Variants in ADAMTSL1 observed in about 807,000 individuals in gnomAD.
ADAMTSL1 encodes ADAMTS like 1.
ADAMTSL1 carries 126 observed loss-of-function variants against 201.8 expected under a neutral mutation model. The ratio of observed to expected loss-of-function variants is 0.62; its 90% confidence interval spans 0.54 to 0.72. The LOEUF is 0.72. ADAMTSL1 is among the 30% of genes least tolerant of loss of function. ADAMTSL1 has a pLI of 0.00. For missense variants in ADAMTSL1, 2,679 were observed against 2,277.8 expected (o/e 1.18, Z -3.59); for synonymous variants, 1,121 against 903.4 (o/e 1.24, Z -4.32).
rs1822794900 is a variant in ADAMTSL1, at chr9:18,068,186, G to A, written c.88-95676G>A. Among the ~76,000 whole-genome samples the A allele has an allele frequency of 2.0e-5, 3 of 152,112 alleles. No individual in the cohort carries two copies. In the South Asian group the frequency reaches 6.2e-4, roughly 32 times the overall value. On this transcript the variant is annotated intron_variant, in intron 1 of 29. Coordinates refer to the ADAMTSL1 transcript ENST00000680146. The stretch of plus-strand genomic sequence containing the variant: ...CCCTTAGAAATGGACTGTTTATTAA[G>A]ATAGCAGCTCTTCCCATCAGTGAGA...
chr9:18,055,597 ACAAAGTCTTT>A (rs1822147135), intron 1 of ADAMTSL1, among the ~76,000 whole-genome samples: 1 of 152,226 alleles, frequency 6.6e-6, no homozygotes, highest in Non-Finnish European at 1.5e-5. Context: ...CTAAAATTCC[ACAAAGTCTTT>A]CAAAGTAACA....
intron 16 of ADAMTSL1, among the ~76,000 whole-genome samples, chr9:18,770,197 A>C: frequency 6.6e-6 from 1 of 152,218 alleles, no homozygotes; most frequent in East Asian, 1.9e-4. Context: ...CTCCAGATTT[A>C]TACTGATGGC....
intron 2 of ADAMTSL1, among the ~76,000 whole-genome samples, chr9:18,275,655 T>G (rs891064145): frequency 6.6e-6 from 1 of 152,326 alleles, no homozygotes; most frequent in East Asian, 1.9e-4. Flanking sequence ...TAGCATGTTT[T>G]TGAGGGCCAT....
chr9:18,674,749 C>T (rs1009124509), intron 9 of ADAMTSL1, among the ~76,000 whole-genome samples: 3 of 152,018 alleles, frequency 2.0e-5, no homozygotes, highest in Admixed American at 6.5e-5. Context: ...ACATGAGTTC[C>T]TTCAATACCC....
intron 2 of ADAMTSL1, chr9:18,163,992 GCTT>G (rs1245502369): frequency 2.0e-5 from 3 of 151,962 alleles, no homozygotes; most frequent in Admixed American, 6.6e-5. Flanking sequence ...GTACAGTGTC[GCTT>G]CTTCTACTTA....
chr9:18,804,713 C>T (rs954050770), intron 20 of ADAMTSL1, among the ~76,000 whole-genome samples: 1 of 152,160 alleles, frequency 6.6e-6, no homozygotes, highest in African/African-American at 2.4e-5. Flanking sequence ...TTATTTGACT[C>T]ATGAGTCTTA....
intron 2 of ADAMTSL1, among the ~76,000 whole-genome samples, chr9:18,306,224 C>G (rs1036492770): frequency 2.6e-5 from 4 of 152,134 alleles, no homozygotes; most frequent in Non-Finnish European, 4.4e-5. Context: ...GATAAATACA[C>G]GAAGATGAGG....
chr9:18,614,247 G>C (rs1055789875), intron 4 of ADAMTSL1, among the ~76,000 whole-genome samples: 4 of 152,116 alleles, frequency 2.6e-5, no homozygotes, highest in Admixed American at 1.3e-4. Flanking sequence ...AAGAGAGAAC[G>C]CCAGGTGTGG....
At chr9:18,175,010 C>A (rs1828075777) in intron 2 of ADAMTSL1, among the ~76,000 whole-genome samples, 1 of 152,102 alleles carries the variant, frequency 6.6e-6, no homozygotes, top group African/African-American at 2.4e-5. Context: ...ATAAACGTTT[C>A]TTTTGCTAAG....
chr9:18,141,135 G>A (rs374476313), intron 1 of ADAMTSL1, among the ~76,000 whole-genome samples: 4 of 152,308 alleles, frequency 2.6e-5, no homozygotes, highest in African/African-American at 7.2e-5. Context: ...GTAGTGTGAA[G>A]AGGTCAGAGC....
chr9:18,049,121 T>G (rs1263936648), intron 1 of ADAMTSL1, among the ~76,000 whole-genome samples: 4 of 152,202 alleles, frequency 2.6e-5, no homozygotes, highest in Non-Finnish European at 4.4e-5. Context: ...ACACCAGTCA[T>G]GGGTTTATGG....
chr9:18,088,187 G>A (rs1823851880), intron 1 of ADAMTSL1, among the ~76,000 whole-genome samples: 1 of 152,052 alleles, frequency 6.6e-6, no homozygotes, highest in Non-Finnish European at 1.5e-5. Flanking sequence ...GGAACAAGTG[G>A]ATATTTATAT....
Position 18,574,033 on chromosome 9 carries a change from T to G in ADAMTSL1, c.241T>G (p.Cys81Gly). 1 of 1,613,020 alleles carries G rather than the reference T, an allele frequency of 6.2e-7. No homozygotes were observed. Among genetic ancestry groups the G allele is most frequent in the Non-Finnish European group, 8.5e-7 (1 of 1,179,256 alleles). Residue 81 changes from cysteine (C) to glycine (G), a missense_variant, in exon 4 of 29, where the codon TGC becomes GGC. Transcript: ENST00000380548. ...IRYRTCSNVD[C>G]PPEAGDFRAQ... ...CCTTTCTCTCTTTTTTCTCCAGGACTGCCCACCAGAAGCAGGTGATTTCCG... is the reference window on the plus strand; with the variant it reads ...CCTTTCTCTCTTTTTTCTCCAGGACGGCCCACCAGAAGCAGGTGATTTCCG...
intron 13 of ADAMTSL1, among the ~76,000 whole-genome samples, chr9:18,704,084 GT>G (rs929047828): frequency 6.6e-6 from 1 of 151,980 alleles, no homozygotes; most frequent in Non-Finnish European, 1.5e-5. Context: ...TCTACCAAAT[GT>G]TTTTTTCTAT....
chr9:18,196,183 C>G (rs1400729087), intron 2 of ADAMTSL1, among the ~76,000 whole-genome samples: 1 of 152,010 alleles, frequency 6.6e-6, no homozygotes, highest in East Asian at 1.9e-4. Context: ...ATTTGCATTC[C>G]CCTTTCTTCC....
At chr9:18,287,322 TACAC>T (rs112789682) in intron 2 of ADAMTSL1, among the ~76,000 whole-genome samples, 2 of 151,824 alleles carry the variant, frequency 1.3e-5, no homozygotes, top group African/African-American at 4.8e-5. Context: ...TATGTATGTA[TACAC>T]ACACACACGT....
intron 1 of ADAMTSL1, among the ~76,000 whole-genome samples, chr9:18,503,784 C>T (rs184195402): frequency 3.1e-4 from 47 of 152,170 alleles, no homozygotes; most frequent in Admixed American, 2.2e-3. Context: ...TGTATAACAT[C>T]CTAAGGCCAG....
At chr9:18,760,449 C>A (rs892529401) in intron 16 of ADAMTSL1, among the ~76,000 whole-genome samples, 8 of 152,080 alleles carry the variant, frequency 5.3e-5, no homozygotes, top group Non-Finnish European at 1.5e-5. Context: ...TATAAATATG[C>A]ACTGAGAACC....
rs183990706 is a variant in ADAMTSL1 at position 18,607,355 on chromosome 9, G to T, written c.475-14888G>T. Among the ~76,000 whole-genome samples, 1,061 of 152,182 alleles carry T rather than the reference G, an allele frequency of 7.0e-3. 12 individuals carry two copies. Among genetic ancestry groups the T allele is most frequent in the African/African-American group, 0.025 (1,020 of 41,518 alleles). On this transcript the variant is annotated intron_variant, in intron 4 of 28. Transcript: ENST00000380548. ...AACTGTTGAAAACCATAAAATTCGTGGTCAAATATGTTTTTCTATCGAATA... is the reference window on the plus strand; with the variant it reads ...AACTGTTGAAAACCATAAAATTCGTTGTCAAATATGTTTTTCTATCGAATA...
Sources: allele counts gnomAD v4.1 joint callset (sites outside exome capture counted in the v4.1 genomes callset), GRCh38; gene constraint gnomAD v4.1.1; transcripts MANE v1.5; gene names NCBI Gene and HGNC (gene_info 2026-07-23, HGNC 2026-07-21).